The following CEP63 variants were observed in gnomAD, a reference collection of about 807,000 sequenced individuals.
CEP63 encodes centrosomal protein 63, also known as centrosomal protein of 63 kDa.
Under a neutral mutation model 89.1 loss-of-function variants are expected in CEP63, and 84 were observed. The observed-to-expected ratio is 0.94, with a 90% confidence interval of 0.79 to 1.13. The LOEUF (loss-of-function observed/expected upper bound fraction) is 1.13, where lower values mean the gene tolerates loss of function less well. Ranked by LOEUF, CEP63 falls within the 50% of genes most tolerant of loss-of-function variation. CEP63 has a pLI of 0.00. For synonymous variants in CEP63, 267 were observed against 272.5 expected, an observed-to-expected ratio of 0.98 and a Z score of 0.20; for missense variants, 838 against 813.3, an observed-to-expected ratio of 1.03 and a Z score of -0.37.
chr3:134,576,488 A>G (rs1958215499), downstream of CEP63, among the ~76,000 whole-genome samples: 1 of 152,184 alleles, frequency 6.6e-6, no homozygotes, highest in African/African-American at 2.4e-5. Flanking sequence ...AATTTGTATC[A>G]CCAATGCTTG....
At chr3:134,739,124 G>T in the CEP63 span, among the ~76,000 whole-genome samples, 1 of 152,158 alleles carries the variant, frequency 6.6e-6, no homozygotes, top group South Asian at 2.1e-4. Context: ...GTGGGCCGGA[G>T]ATTCTTCTCC....
At chr3:134,753,971 G>A in the CEP63 span, among the ~76,000 whole-genome samples, 1 of 152,242 alleles carries the variant, frequency 6.6e-6, no homozygotes, top group Non-Finnish European at 1.5e-5. Context: ...CTATGCATGT[G>A]TGTTGCTCTT....
intron 10 of CEP63, among the ~76,000 whole-genome samples, chr3:134,582,196 A>G (rs1447988899): frequency 1.6e-5 from 2 of 127,774 alleles, no homozygotes; most frequent in Non-Finnish European, 3.4e-5. Flanking sequence ...TTAAAAAATT[A>G]TACTTTAAGT....
At chr3:134,547,817 C>T (rs570982156) in intron 9 of CEP63, among the ~76,000 whole-genome samples, 1 of 152,048 alleles carries the variant, frequency 6.6e-6, no homozygotes, top group Non-Finnish European at 1.5e-5. Context: ...CCATGTTGGC[C>T]AGGCTGGTCT....
At chr3:134,552,624 T>C (rs892224317) in intron 12 of CEP63, 1 of 152,146 alleles carries the variant, frequency 6.6e-6, no homozygotes, top group African/African-American at 2.4e-5. Flanking sequence ...TTAGTAAGTA[T>C]GCAATACATC....
At chr3:134,671,227 C>A in the CEP63 span, among the ~76,000 whole-genome samples, 1 of 152,188 alleles carries the variant, frequency 6.6e-6, no homozygotes, top group East Asian at 1.9e-4. Flanking sequence ...CGCGATCTAA[C>A]TCAGAAACAG....
At chr3:134,668,595 G>A in the CEP63 span, among the ~76,000 whole-genome samples, 2 of 152,204 alleles carry the variant, frequency 1.3e-5, no homozygotes, top group South Asian at 2.1e-4. Context: ...ACATATCATG[G>A]AGCTGCTTTT....
the CEP63 span, among the ~76,000 whole-genome samples, chr3:134,676,983 C>T: frequency 1.3e-5 from 2 of 152,316 alleles, no homozygotes; most frequent in Admixed American, 6.5e-5. Context: ...CGCCTGTAAT[C>T]CCAGCACTTT....
the CEP63 span, among the ~76,000 whole-genome samples, chr3:134,647,064 G>A: frequency 6.6e-6 from 1 of 152,212 alleles, no homozygotes; most frequent in East Asian, 1.9e-4. Flanking sequence ...CTGTCCCAAG[G>A]CAGACGACTA....
the CEP63 span, among the ~76,000 whole-genome samples, chr3:134,753,201 T>C: frequency 1.3e-5 from 2 of 152,200 alleles, no homozygotes; most frequent in African/African-American, 4.8e-5. Context: ...TCTGCCTCTG[T>C]ATGGTCTTTC....
chr3:134,573,299 G>T (rs1240614518), intron 11 of CEP63, among the ~76,000 whole-genome samples: 1 of 152,146 alleles, frequency 6.6e-6, no homozygotes, highest in Non-Finnish European at 1.5e-5. Flanking sequence ...CGTTGCTTTT[G>T]GGGACTTAGT....
the CEP63 span, among the ~76,000 whole-genome samples, chr3:134,766,483 C>A: frequency 6.6e-6 from 1 of 152,258 alleles, no homozygotes; most frequent in East Asian, 1.9e-4. Context: ...CTTTCTGGTG[C>A]TGCCTGCCTG....
intron 5 of CEP63, among the ~76,000 whole-genome samples, chr3:134,534,262 T>C (rs146962969): frequency 6.6e-5 from 10 of 152,346 alleles, no homozygotes; most frequent in Non-Finnish European, 1.3e-4. Context: ...TTACAGTTTC[T>C]TGGCTTTCTT....
chr3:134,753,368 C>T, the CEP63 span, among the ~76,000 whole-genome samples: 2 of 152,188 alleles, frequency 1.3e-5, no homozygotes, highest in African/African-American at 4.8e-5. Flanking sequence ...GTCATTGACT[C>T]CTGGGCCTTC....
At chr3:134,531,462 A>G (rs1225318699) in intron 3 of CEP63, among the ~76,000 whole-genome samples, 1 of 152,164 alleles carries the variant, frequency 6.6e-6, no homozygotes, top group Non-Finnish European at 1.5e-5. Context: ...ATGCGCCTGT[A>G]ATCCCAGCTA....
At chr3:134,635,804 A>G in the CEP63 span, among the ~76,000 whole-genome samples, 2 of 152,174 alleles carry the variant, frequency 1.3e-5, no homozygotes, top group Non-Finnish European at 2.9e-5. Context: ...TAAAACAAAA[A>G]CTTGGATGAT....
At chr3:134,695,210 T>G in the CEP63 span, among the ~76,000 whole-genome samples, 1 of 152,188 alleles carries the variant, frequency 6.6e-6, no homozygotes, top group Non-Finnish European at 1.5e-5. Context: ...AAATAACCAC[T>G]GGGGCATGAT....
intron 3 of CEP63, among the ~76,000 whole-genome samples, chr3:134,527,074 A>T (rs73221343): frequency 1.3e-5 from 2 of 152,196 alleles, no homozygotes; most frequent in African/African-American, 2.4e-5. Flanking sequence ...AGTGGGATTC[A>T]TCCTTGTTTA....
the CEP63 span, chr3:134,651,015 C>A: frequency 3.1e-6 from 5 of 1,609,598 alleles, no homozygotes; most frequent in Non-Finnish European, 4.2e-6. Flanking sequence ...GCTGCTTGCG[C>A]TGCAAATGGC....
Sources: gnomAD v4.1 joint callset for allele counts (sites outside exome capture counted in the v4.1 genomes callset) on GRCh38, gnomAD v4.1.1 for gene constraint, MANE v1.5 for transcripts, NCBI Gene and HGNC (gene_info 2026-07-23, HGNC 2026-07-21) for gene names.